TMPRSS15: variants seen among roughly 807,000 people sequenced by gnomAD.
The protein encoded by TMPRSS15 is transmembrane serine protease 15, also known as enteropeptidase.
TMPRSS15 carries 128 observed loss-of-function variants against 125.3 expected under a neutral mutation model. The observed-to-expected ratio is 1.02, with a 90% CI of 0.89 to 1.18. TMPRSS15 has a LOEUF of 1.18. Among genes scored for constraint, TMPRSS15 ranks in the 50% most tolerant of loss-of-function variants. The pLI, the probability that TMPRSS15 is intolerant of heterozygous loss-of-function variation, is 0.00. For synonymous variants in TMPRSS15, 446 were observed against 423.2 expected, an observed-to-expected ratio of 1.05 and a Z score of -0.66; for missense variants, 1,283 against 1,212.7, an observed-to-expected ratio of 1.06 and a Z score of -0.86.
intron 1 of TMPRSS15, among the ~76,000 whole-genome samples, chr21:18,433,873 T>A (rs911558779): frequency 2.6e-5 from 4 of 152,096 alleles, no homozygotes; most frequent in African/African-American, 9.7e-5. Context: ...TTTTGAAAAG[T>A]TGAAAAATAT....
chr21:18,375,590 T>C (rs549001499), intron 5 of TMPRSS15, among the ~76,000 whole-genome samples: 7 of 152,288 alleles, frequency 4.6e-5, no homozygotes, highest in African/African-American at 1.2e-4. Context: ...ATATTAGGCA[T>C]TATTAACTCA....
At chr21:18,345,797 T>C (rs1340261216) in intron 10 of TMPRSS15, among the ~76,000 whole-genome samples, 1 of 147,522 alleles carries the variant, frequency 6.8e-6, no homozygotes, top group African/African-American at 2.5e-5. Flanking sequence ...CTCAAATGGT[T>C]AGCCTATTCA....
At chr21:18,344,205 C>G (rs778946015) in intron 10 of TMPRSS15, 145 bp from the exon 11 acceptor site, 4 of 721,174 alleles carry the variant, frequency 5.5e-6, no homozygotes, top group Non-Finnish European at 9.4e-6. Flanking sequence ...ACACTAGACT[C>G]GAGCTCAGAA....
rs572762045 is a variant in TMPRSS15, at chr21:18,447,418, C to T, written c.10+38381G>A. Among the ~76,000 whole-genome samples, 101 of 116,766 alleles carry T rather than the reference C, an allele frequency of 8.6e-4. 1 individual carries two copies. Among genetic ancestry groups the T allele is most frequent in the African/African-American group, 3.2e-3 (95 of 29,490 alleles). 76.6% of individuals were successfully genotyped at this position (116,766 alleles called of 152,430 possible). On this transcript the variant is annotated intron_variant, in intron 1 of 7. Coordinates refer to the TMPRSS15 transcript ENST00000422787. ...TCATGCCATTGCATTTCAGCCTGGGCGACAGAGTAAGACTTCAACTCAAAA... is the reference window on the plus strand; with the variant it reads ...TCATGCCATTGCATTTCAGCCTGGGTGACAGAGTAAGACTTCAACTCAAAA...
intron 5 of TMPRSS15, among the ~76,000 whole-genome samples, chr21:18,376,616 C>T (rs968881925): frequency 9.2e-5 from 14 of 152,052 alleles, no homozygotes; most frequent in Admixed American, 2.6e-4. Flanking sequence ...TTGTTTTCTG[C>T]GGCTATTGCT....
intron 8 of TMPRSS15, among the ~76,000 whole-genome samples, chr21:18,355,358 T>TA (rs1490145874): frequency 1.3e-5 from 2 of 151,782 alleles, no homozygotes; most frequent in Non-Finnish European, 3.0e-5. Flanking sequence ...ATTCTCACGA[T>TA]ATCTAATAGA....
chr21:18,478,131 T>C (rs1219214265), intron 1 of TMPRSS15, among the ~76,000 whole-genome samples: 1 of 152,062 alleles, frequency 6.6e-6, no homozygotes, highest in Admixed American at 6.6e-5. Context: ...GATGTTTTTT[T>C]CCAGAGTAAA....
intron 1 of TMPRSS15, among the ~76,000 whole-genome samples, chr21:18,422,300 T>A (rs2076193974): frequency 6.6e-6 from 1 of 152,100 alleles, no homozygotes; most frequent in Non-Finnish European, 1.5e-5. Context: ...AGGCAAGTAT[T>A]ACTCTTAATG....
intron 6 of TMPRSS15, among the ~76,000 whole-genome samples, chr21:18,370,140 A>G (rs2075778309): frequency 6.6e-6 from 1 of 152,106 alleles, no homozygotes; most frequent in Non-Finnish European, 1.5e-5. Context: ...GCAAATTAAG[A>G]TAATTACTTC....
chr21:18,449,899 A>C (rs9305868), intron 1 of TMPRSS15, among the ~76,000 whole-genome samples: 2,409 of 133,254 alleles, frequency 0.018, 65 homozygotes, highest in African/African-American at 0.062. Flanking sequence ...ACACACACAC[A>C]CCTATATAAA....
chr21:18,341,586 A>T (rs370018286), intron 12 of TMPRSS15, 38 bp from the exon 13 acceptor site: 199 of 1,611,170 alleles, frequency 1.2e-4, no homozygotes, highest in Non-Finnish European at 1.6e-4. Context: ...ATTTGATTCC[A>T]TTCTAATCTT....
intron 3 of TMPRSS15, among the ~76,000 whole-genome samples, chr21:18,396,376 T>C (rs1459247033): frequency 6.6e-6 from 1 of 152,126 alleles, no homozygotes; most frequent in Non-Finnish European, 1.5e-5. Context: ...ACCTACTAGC[T>C]GTGTGATTTG....
intron 1 of TMPRSS15, among the ~76,000 whole-genome samples, chr21:18,431,897 T>C (rs1398618285): frequency 6.6e-6 from 1 of 152,178 alleles, no homozygotes; most frequent in African/African-American, 2.4e-5. Context: ...TACTTCCACA[T>C]ATTGATTTCT....
chr21:18,318,004 C>T (rs1327146508), intron 16 of TMPRSS15, among the ~76,000 whole-genome samples: 1 of 151,910 alleles, frequency 6.6e-6, no homozygotes, highest in East Asian at 1.9e-4. Flanking sequence ...TGATAAATAC[C>T]AGGATAAACT....
chr21:18,294,766 T>C, intron 19 of TMPRSS15, 114 bp from the exon 20 acceptor site: 2 of 903,350 alleles, frequency 2.2e-6, no homozygotes, highest in South Asian at 1.4e-5. Context: ...TAATGTCTCA[T>C]ATATGAAATG....
At chr21:18,318,957 T>C (rs1200186535) in intron 16 of TMPRSS15, among the ~76,000 whole-genome samples, 2 of 152,196 alleles carry the variant, frequency 1.3e-5, no homozygotes, top group Non-Finnish European at 1.5e-5. Context: ...AAAAGATTGA[T>C]ATGCCTCAAA....
chr21:18,343,799 G>A, intron 11 of TMPRSS15, 143 bp from the exon 12 acceptor site: 1 of 1,134,808 alleles, frequency 8.8e-7, no homozygotes, highest in Non-Finnish European at 1.3e-6. Context: ...GGGGAGAGGT[G>A]TCTATCAATG....
intron 18 of TMPRSS15, among the ~76,000 whole-genome samples, chr21:18,301,404 ATCT>A (rs988663998): frequency 3.9e-5 from 6 of 152,194 alleles, no homozygotes; most frequent in African/African-American, 7.2e-5. Context: ...TACATTAAAA[ATCT>A]TCTTCACAGA....
chr21:18,342,474 A>C (rs938670369), intron 12 of TMPRSS15, among the ~76,000 whole-genome samples: 1 of 152,246 alleles, frequency 6.6e-6, no homozygotes, highest in Non-Finnish European at 1.5e-5. Context: ...GCCAAAGTGC[A>C]CGTATCTGTA....
Sources: gnomAD v4.1 joint callset for allele counts (sites outside exome capture counted in the v4.1 genomes callset) on GRCh38, gnomAD v4.1.1 for gene constraint, MANE v1.5 for transcripts, NCBI Gene and HGNC (gene_info 2026-07-23, HGNC 2026-07-21) for gene names.